Variants in POM121 observed in about 807,000 individuals in gnomAD.
POM121 encodes nuclear envelope pore membrane protein POM 121.
POM121 carries 32 observed loss-of-function variants against 81.3 expected under a neutral mutation model. That is an observed-to-expected ratio of 0.39 (90% CI 0.30 to 0.53). The LOEUF is 0.53. Ranked by LOEUF, POM121 falls within the 20% of genes least tolerant of loss-of-function variation. POM121 has a pLI of 0.66. For synonymous variants in POM121, 514 were observed against 694.2 expected, an observed-to-expected ratio of 0.74 and a Z score of 4.08; for missense variants, 1,138 against 1,614.6, an observed-to-expected ratio of 0.70 and a Z score of 5.06.
At chr7:72,941,680 A>T (rs1554501053) in intron 10 of POM121, among the ~76,000 whole-genome samples, 157 bp from the exon 11 acceptor site, 2 of 151,896 alleles carry the variant, frequency 1.3e-5, no homozygotes, top group African/African-American at 4.9e-5. Context: ...CACTTCCTTG[A>T]TTTACTGTAC....
chr7:72,921,308 C>T (rs1295743401), upstream of POM121, among the ~76,000 whole-genome samples: 3 of 152,230 alleles, frequency 2.0e-5, no homozygotes, highest in Admixed American at 2.0e-4. Flanking sequence ...CAAGTTGACA[C>T]TTGAAATTAC....
At chr7:72,896,746 T>C (rs1236466051) in intron 3 of POM121, among the ~76,000 whole-genome samples, 1 of 151,702 alleles carries the variant, frequency 6.6e-6, no homozygotes, top group African/African-American at 2.4e-5. Context: ...TCCCACTGTT[T>C]ACCCATCCCA....
At chr7:72,918,685 A>G (rs1794519814) in intron 4 of POM121, among the ~76,000 whole-genome samples, 1 of 151,996 alleles carries the variant, frequency 6.6e-6, no homozygotes, top group Admixed American at 6.6e-5. Flanking sequence ...CTTACTGCCC[A>G]CACCAGCAGG....
intron 1 of POM121, among the ~76,000 whole-genome samples, chr7:72,883,091 A>G (rs1244549915): frequency 2.0e-5 from 3 of 151,836 alleles, no homozygotes; most frequent in Admixed American, 6.6e-5. Context: ...CCAGGCTGGA[A>G]TGTAGAGACG....
rs1318107805 is a variant in POM121, at chr7:72,900,530, A to G, written c.-216+9420A>G. Among the ~76,000 whole-genome samples the G allele has an allele frequency of 4.6e-5, 7 of 151,948 alleles. 1 individual carries two copies. Among genetic ancestry groups the G allele is most frequent in the African/African-American group, 1.2e-4 (5 of 41,392 alleles). On this transcript the variant is annotated intron_variant, in intron 3 of 15. Transcript: ENST00000395270. The stretch of plus-strand genomic sequence containing the variant: ...TTTTAATTTTTATTTTTTGAGATGG[A>G]GTCTTGCTCTGTCACCCAGGCTGGA...
In POM121 at chr7:72,915,335, ATAAC is replaced by A. The variant is rs571624349; in HGVS notation, c.-152+1515_-152+1518del. 7.2e-5 allele frequency among the ~76,000 whole-genome samples: 11 copies of A among 152,284 alleles called. No individual in the cohort carries two copies. In the South Asian group the frequency reaches 2.3e-3, roughly 32 times the overall value. On this transcript the variant is annotated intron_variant, in intron 4 of 15. Transcript: ENST00000395270. ...ATTACCTGGCATCTATTCAGAGCTAATAACTAACTAATATTGATTAACAAACTAG... is the reference window on the plus strand; with the variant it reads ...ATTACCTGGCATCTATTCAGAGCTAATAACTAATATTGATTAACAAACTAG...
At chr7:72,898,979 CTTTTTTTTTTTTTTT>C (rs1176371162) in intron 3 of POM121, among the ~76,000 whole-genome samples, 2 of 34,098 alleles carry the variant, frequency 5.9e-5, no homozygotes, top group African/African-American at 2.7e-4. Flanking sequence ...CTTTTCTTTT[CTTTTTTTTTTTTTTT>C]TTTTTTTTTT....
rs782112073 is a variant in POM121, at chr7:72,925,333, G to C, written c.212G>C (p.Arg71Pro). 2.6e-6 allele frequency: 4 copies of C among 1,534,384 alleles called. No homozygotes were observed. The South Asian group carries it at 4.8e-5, about 18-fold the overall frequency. ...ACCGCGGCCTGGTGGGGACTGAGCC[G>C]CGAGCCCCGAGGTTCGCGCCCCTTG... ...GATAAWWGLS[R>P]EPRGSRPLSS... The change falls in exon 1 of 13, where the codon CGC becomes CCC. Residue 71 changes from arginine (R) to proline (P), a missense_variant. Physicochemically the swap from Arg to Pro is moderately radical, Grantham distance 103. Transcript: ENST00000434423.
At chr7:72,934,688 T>A (rs1365042268) in intron 5 of POM121, among the ~76,000 whole-genome samples, 1 of 152,188 alleles carries the variant, frequency 6.6e-6, no homozygotes, top group Non-Finnish European at 1.5e-5. Flanking sequence ...AAAATTAGTT[T>A]TTTTTGTGTT....
intron 3 of POM121, among the ~76,000 whole-genome samples, chr7:72,900,753 C>T (rs530368824): frequency 7.2e-5 from 11 of 152,274 alleles, no homozygotes; most frequent in African/African-American, 2.6e-4. Flanking sequence ...ATCTGCCTGC[C>T]TCAGCCTCCC....
At chr7:72,924,999 G>A (rs1296623119), upstream of POM121, 7 of 1,324,976 alleles carry the variant, frequency 5.3e-6, no homozygotes, top group Admixed American at 2.1e-4. Context: ...TGGGTCTCGG[G>A]CGCTGCCGGG....
chr7:72,884,051 A>G (rs1460758874), intron 1 of POM121, among the ~76,000 whole-genome samples: 1 of 152,098 alleles, frequency 6.6e-6, no homozygotes, highest in Non-Finnish European at 1.5e-5. Flanking sequence ...GAGTATAGTC[A>G]TATGCCACAA....
rs236653 is a variant in POM121, at chr7:72,946,663, G to C, written c.*429G>C. On this transcript the variant is annotated 3_prime_UTR_variant, in exon 13 of 13. Transcript: ENST00000434423. ...ATGGGATTTGGGAAATGGGCTATCC[G>C]TAAAGCTTTATCTTGCTTGGCTTAG... 31 of 987,158 alleles carry C rather than the reference G, an allele frequency of 3.1e-5. No homozygotes were observed. Among genetic ancestry groups the C allele is most frequent in the Admixed American group, 2.4e-4 (4 of 16,574 alleles). 61.1% of individuals were successfully genotyped at this position (987,158 alleles called of 1,614,324 possible).
At chr7:72,930,847 C>G (rs1464253904) in intron 5 of POM121, among the ~76,000 whole-genome samples, 2 of 152,042 alleles carry the variant, frequency 1.3e-5, no homozygotes, top group African/African-American at 4.8e-5. Flanking sequence ...GAAAAAAATG[C>G]TTGGCTCTGA....
At chr7:72,891,572 A>G (rs540431643) in intron 3 of POM121, among the ~76,000 whole-genome samples, 133 of 152,110 alleles carry the variant, frequency 8.7e-4, no homozygotes, top group African/African-American at 2.3e-3. Context: ...AAGCCTGGCT[A>G]ATTTTTGTAT....
intron 1 of POM121, among the ~76,000 whole-genome samples, chr7:72,888,887 A>G (rs1791013782): frequency 6.6e-6 from 1 of 152,038 alleles, no homozygotes; most frequent in Non-Finnish European, 1.5e-5. Flanking sequence ...TTTTCTGTCA[A>G]GCTTTTTCAA....
intron 3 of POM121, among the ~76,000 whole-genome samples, chr7:72,904,216 C>T (rs1162515357): frequency 2.0e-5 from 3 of 152,218 alleles, no homozygotes; most frequent in Non-Finnish European, 2.9e-5. Flanking sequence ...AGAATGTGCT[C>T]TGCACTCAGC....
intron 3 of POM121, among the ~76,000 whole-genome samples, chr7:72,902,488 C>CT (rs1258794064): frequency 6.7e-6 from 1 of 149,956 alleles, no homozygotes; most frequent in Non-Finnish European, 1.5e-5. Flanking sequence ...TATTTTTTTC[C>CT]TTTTTTATTT....
chr7:72,939,429 G>C lies in POM121; in HGVS notation c.1441+20G>C. 6.2e-7 allele frequency: 1 copy of C among 1,613,568 alleles called. No homozygotes were observed. The highest frequency in any genetic ancestry group is 2.2e-5 in the East Asian group (1 of 44,878). The stretch of plus-strand genomic sequence containing the variant: ...AAAAGGGTAGGTTGCTGAGCCAGGA[G>C]GAGGGGCTGCTGTTGGTGGTGGAGG... On this transcript the variant is annotated intron_variant, in intron 7 of 12. Transcript: ENST00000434423.
Sources: gnomAD v4.1 joint callset for allele counts (sites outside exome capture counted in the v4.1 genomes callset) on GRCh38, gnomAD v4.1.1 for gene constraint, MANE v1.5 for transcripts, NCBI Gene and HGNC (gene_info 2026-07-23, HGNC 2026-07-21) for gene names.